The following BCL2 variants were observed in gnomAD, a reference collection of about 807,000 sequenced individuals.
The protein encoded by BCL2 is apoptosis regulator Bcl-2.
Under a neutral mutation model 14.2 loss-of-function variants are expected in BCL2, and 1 was observed. The observed-to-expected ratio is 0.07, with a 90% CI of 0.02 to 0.33. BCL2 has a LOEUF of 0.33. BCL2 is among the 10% of genes least tolerant of loss of function. The probability of loss-of-function intolerance (pLI) is 0.99; values close to 1 mark genes in which losing one functional copy is unlikely to be tolerated. For missense variants in BCL2, 247 were observed against 305.9 expected, an observed-to-expected ratio of 0.81 and a Z score of 1.44; for synonymous variants, 151 against 137.2, an observed-to-expected ratio of 1.10 and a Z score of -0.70.
intron 2 of BCL2, among the ~76,000 whole-genome samples, chr18:63,148,993 C>A (rs566113037): frequency 1.5e-4 from 23 of 152,268 alleles, no homozygotes; most frequent in African/African-American, 5.3e-4. Context: ...ACGCGGCCTC[C>A]CTAAATGTAG....
rs371530669 is a variant in BCL2, at chr18:63,305,040, T to G, written c.585+13042A>C. On this transcript the variant is annotated intron_variant, in intron 2 of 2. Coordinates refer to ENST00000333681, the MANE Select transcript of BCL2 (RefSeq NM_000633.3). The stretch of plus-strand genomic sequence containing the variant: ...CGCACGTCAATCCTACTACTGTCCC[T>G]TCAGCTCATGTCCAAGCCCGCCTGG... Among the ~76,000 whole-genome samples the G allele has an allele frequency of 7.2e-5, 11 of 152,310 alleles. 1 individual carries two copies. The South Asian group carries it at 2.3e-3, about 32-fold the overall frequency.
At chr18:63,196,511 T>C (rs1909449459) in intron 2 of BCL2, among the ~76,000 whole-genome samples, 2 of 152,144 alleles carry the variant, frequency 1.3e-5, no homozygotes, top group South Asian at 2.1e-4. Context: ...GCGACTCATA[T>C]TGAAGGAGGA....
intron 2 of BCL2, among the ~76,000 whole-genome samples, chr18:63,212,211 A>T (rs981199157): frequency 8.6e-5 from 13 of 151,430 alleles, no homozygotes; most frequent in Non-Finnish European, 1.5e-4. Flanking sequence ...CTGTAGTCCC[A>T]GCTACTCGGG....
At chr18:63,247,289 C>T (rs908962780) in intron 2 of BCL2, among the ~76,000 whole-genome samples, 4 of 151,820 alleles carry the variant, frequency 2.6e-5, no homozygotes, top group South Asian at 2.1e-4. Context: ...ACCTCCCCCT[C>T]CCAAGTTCAA....
At chr18:63,294,750 TA>T (rs1321990866) in intron 2 of BCL2, among the ~76,000 whole-genome samples, 1 of 152,126 alleles carries the variant, frequency 6.6e-6, no homozygotes, top group African/African-American at 2.4e-5. Context: ...ATAGAAGGTA[TA>T]AGACAGGGAA....
chr18:63,241,333 T>C (rs1910994284), intron 2 of BCL2, among the ~76,000 whole-genome samples: 1 of 152,220 alleles, frequency 6.6e-6, no homozygotes, highest in African/African-American at 2.4e-5. Context: ...TAAAAACCAA[T>C]CACAAAGCAC....
rs779804119 is a variant in BCL2, at chr18:63,128,371, A to C, written c.*254T>G. On this transcript the variant is annotated 3_prime_UTR_variant, in exon 3 of 3. Coordinates refer to ENST00000333681, the MANE Select transcript of BCL2 (RefSeq NM_000633.3). ...TTGATGGGACTGTCTTAAATAAATA[A>C]ATCTTTTTTTCTTAATAATGTAAAA... 4 of 365,786 alleles carry C rather than the reference A, an allele frequency of 1.1e-5. No individual in the cohort carries two copies. In the Admixed American group the frequency reaches 1.3e-4, roughly 12 times the overall value. 22.7% of individuals were successfully genotyped at this position (365,786 alleles called of 1,614,324 possible). A position where few individuals can be genotyped will look rare whatever the true frequency, so the allele number is the denominator to read the frequency against.
At chr18:63,284,229 G>A (rs1912400088) in intron 2 of BCL2, among the ~76,000 whole-genome samples, 1 of 152,134 alleles carries the variant, frequency 6.6e-6, no homozygotes, top group Non-Finnish European at 1.5e-5. Context: ...AACACTTCCT[G>A]GATGATGTTA....
At chr18:63,269,142 T>C (rs1309840861) in intron 2 of BCL2, among the ~76,000 whole-genome samples, 2 of 151,812 alleles carry the variant, frequency 1.3e-5, no homozygotes, top group East Asian at 3.9e-4. Flanking sequence ...TCTATAGAGA[T>C]GGGGTCTCAC....
chr18:63,246,006 T>C (rs932665618), intron 2 of BCL2, among the ~76,000 whole-genome samples: 1 of 152,208 alleles, frequency 6.6e-6, no homozygotes, highest in African/African-American at 2.4e-5. Context: ...AAAGGTATCC[T>C]TTGTCAATAT....
intron 2 of BCL2, among the ~76,000 whole-genome samples, chr18:63,159,842 C>T (rs920731711): frequency 1.3e-5 from 2 of 152,230 alleles, no homozygotes; most frequent in African/African-American, 4.8e-5. Flanking sequence ...AAGATTTCCC[C>T]GCACAGTGGG....
Position 63,125,066 on chromosome 18 carries a change from G to C in BCL2, c.*3559C>G. On this transcript the variant is annotated 3_prime_UTR_variant, in exon 3 of 3. Transcript: ENST00000333681. ...GAGGTGAAAGCTAGACATGTGTTGG[G>C]ATTGCCCTGATTATTTACATTTAAT... The C allele has an allele frequency of 4.5e-6, 1 of 221,624 alleles. No homozygotes were observed. Among genetic ancestry groups the C allele is most frequent in the Non-Finnish European group, 9.0e-6 (1 of 110,776 alleles). 13.7% of individuals were successfully genotyped at this position (221,624 alleles called of 1,614,324 possible).
intron 2 of BCL2, chr18:63,314,187 T>C (rs531364052): frequency 2.0e-4 from 30 of 152,344 alleles, no homozygotes; most frequent in African/African-American, 5.5e-4. Context: ...GGAAAGTTCA[T>C]CATGAAATAT....
At chr18:63,257,296 TTCAATATGTAATGCCAAAGGACA>T (rs1911507839) in intron 2 of BCL2, among the ~76,000 whole-genome samples, 1 of 152,178 alleles carries the variant, frequency 6.6e-6, no homozygotes, top group Non-Finnish European at 1.5e-5. Flanking sequence ...AAAGCCTCAT[TTCAATATGTAATGCCAAAGGACA>T]TCAAGAAAAA....
intron 2 of BCL2, among the ~76,000 whole-genome samples, chr18:63,154,342 C>T (rs1914721702): frequency 6.6e-6 from 1 of 152,208 alleles, no homozygotes. Context: ...CCGATCTTCC[C>T]TCATCTTGCC....
chr18:63,238,209 G>A (rs530015129), intron 2 of BCL2, among the ~76,000 whole-genome samples: 194 of 152,298 alleles, frequency 1.3e-3, no homozygotes, highest in African/African-American at 4.4e-3. Context: ...GTTTAATTAT[G>A]TATAAAGTTC....
intron 2 of BCL2, among the ~76,000 whole-genome samples, chr18:63,303,124 G>A (rs1242752021): frequency 6.6e-6 from 1 of 152,130 alleles, no homozygotes; most frequent in Non-Finnish European, 1.5e-5. Flanking sequence ...GATCATACCA[G>A]AGGTAAAACC....
At chr18:63,264,578 A>G (rs985974988) in intron 2 of BCL2, among the ~76,000 whole-genome samples, 13 of 152,230 alleles carry the variant, frequency 8.5e-5, no homozygotes, top group African/African-American at 3.1e-4. Context: ...GATTCCCTGC[A>G]CTGTCTCCAA....
chr18:63,192,301 G>A (rs769416942), intron 2 of BCL2, among the ~76,000 whole-genome samples: 1 of 152,184 alleles, frequency 6.6e-6, no homozygotes, highest in African/African-American at 2.4e-5. Context: ...ATCCCAAGGA[G>A]GGAGCAACCT....
Sources: allele counts gnomAD v4.1 joint callset (sites outside exome capture counted in the v4.1 genomes callset), GRCh38; gene constraint gnomAD v4.1.1; transcripts MANE v1.5; gene names NCBI Gene and HGNC (gene_info 2026-07-23, HGNC 2026-07-21).